The following ZNF385D variants were observed in gnomAD, a reference collection of about 807,000 sequenced individuals.
The protein encoded by ZNF385D is zinc finger protein 659.
In ZNF385D, 15 loss-of-function variants were observed where a neutral mutation model predicts 35.8. The observed-to-expected ratio is 0.42, with a 90% CI of 0.28 to 0.64. The LOEUF (loss-of-function observed/expected upper bound fraction) is 0.64, where lower values mean the gene tolerates loss of function less well. ZNF385D is among the 30% of genes least tolerant of loss of function. The pLI is 0.23. For synonymous variants in ZNF385D, 212 were observed against 186.8 expected, an observed-to-expected ratio of 1.13 and a Z score of -1.10; for missense variants, 474 against 494.6, an observed-to-expected ratio of 0.96 and a Z score of 0.39.
At chr3:21,976,685 T>C (rs1464189246) in intron 3 of ZNF385D, among the ~76,000 whole-genome samples, 1 of 152,104 alleles carries the variant, frequency 6.6e-6, no homozygotes, top group Non-Finnish European at 1.5e-5. Flanking sequence ...AAATGGAAAA[T>C]TATTTTGCAC....
intron 3 of ZNF385D, among the ~76,000 whole-genome samples, chr3:21,847,794 T>A (rs1225602540): frequency 1.3e-5 from 2 of 152,030 alleles, no homozygotes; most frequent in Non-Finnish European, 1.5e-5. Flanking sequence ...TTCTCTCATA[T>A]CCTGACATTT....
intron 2 of ZNF385D, among the ~76,000 whole-genome samples, chr3:22,351,090 G>T (rs545138137): frequency 6.6e-6 from 1 of 152,126 alleles, no homozygotes; most frequent in South Asian, 2.1e-4. Context: ...TCTTACAGCT[G>T]CATGTATATC....
At chr3:22,104,744 G>A (rs1467591649) in intron 3 of ZNF385D, among the ~76,000 whole-genome samples, 1 of 152,078 alleles carries the variant, frequency 6.6e-6, no homozygotes, top group African/African-American at 2.4e-5. Flanking sequence ...AATTGTTATG[G>A]GAGATAAATT....
chr3:22,186,385 A>G (rs752372956), intron 2 of ZNF385D, among the ~76,000 whole-genome samples: 1 of 152,168 alleles, frequency 6.6e-6, no homozygotes, highest in Non-Finnish European at 1.5e-5. Context: ...GAAACACAGG[A>G]ACAAGTCACA....
chr3:21,451,151 A>T (rs1406957111), intron 4 of ZNF385D, among the ~76,000 whole-genome samples: 1 of 152,104 alleles, frequency 6.6e-6, no homozygotes, highest in Non-Finnish European at 1.5e-5. Context: ...GTCCAGATGG[A>T]TCAATATGAC....
chr3:22,371,080 C>T (rs1367075953), intron 2 of ZNF385D, among the ~76,000 whole-genome samples: 1 of 152,164 alleles, frequency 6.6e-6, no homozygotes, highest in Non-Finnish European at 1.5e-5. Flanking sequence ...GAAATTGCAG[C>T]AAAGCCCGGA....
At chr3:22,037,020 T>C (rs1698368226) in intron 3 of ZNF385D, among the ~76,000 whole-genome samples, 1 of 151,966 alleles carries the variant, frequency 6.6e-6, no homozygotes, top group Non-Finnish European at 1.5e-5. Flanking sequence ...GCTTCATCCA[T>C]ATCCCAAAAA....
chr3:21,712,019 T>C (rs1252299594), intron 1 of ZNF385D, among the ~76,000 whole-genome samples: 1 of 152,210 alleles, frequency 6.6e-6, no homozygotes, highest in East Asian at 1.9e-4. Flanking sequence ...TAATTATTTA[T>C]TTGGTGAAGG....
intron 3 of ZNF385D, among the ~76,000 whole-genome samples, chr3:22,167,645 C>T (rs548098364): frequency 8.5e-5 from 13 of 152,220 alleles, no homozygotes; most frequent in African/African-American, 3.1e-4. Flanking sequence ...AGAGCCAGCC[C>T]CAAAGCCGTG....
At chr3:22,200,451 G>C (rs1397529926) in intron 2 of ZNF385D, among the ~76,000 whole-genome samples, 1 of 152,020 alleles carries the variant, frequency 6.6e-6, no homozygotes, top group Non-Finnish European at 1.5e-5. Flanking sequence ...TAGGGTGTGG[G>C]TCACAGACAT....
intron 2 of ZNF385D, among the ~76,000 whole-genome samples, chr3:22,220,832 G>A (rs1198652210): frequency 6.6e-6 from 1 of 152,040 alleles, no homozygotes; most frequent in East Asian, 1.9e-4. Flanking sequence ...TATTTGCAGT[G>A]TATTTTACAG....
At chr3:21,867,698 T>C (rs1271605256) in intron 3 of ZNF385D, among the ~76,000 whole-genome samples, 1 of 151,790 alleles carries the variant, frequency 6.6e-6, no homozygotes, top group Non-Finnish European at 1.5e-5. Flanking sequence ...TTAATGCCTT[T>C]CAATGTCTCA....
chr3:21,820,467 G>A (rs75595021), intron 3 of ZNF385D, among the ~76,000 whole-genome samples: 1 of 151,634 alleles, frequency 6.6e-6, no homozygotes, highest in Non-Finnish European at 1.5e-5. Context: ...AATCAGATCC[G>A]AGAGGAAAAT....
chr3:22,102,628 C>G (rs116141071), intron 3 of ZNF385D, among the ~76,000 whole-genome samples: 1 of 151,852 alleles, frequency 6.6e-6, no homozygotes, highest in East Asian at 1.9e-4. Flanking sequence ...AAATATACAT[C>G]GACAATAGGA....
chr3:21,662,395 A>T (rs889038504), intron 2 of ZNF385D, among the ~76,000 whole-genome samples: 13 of 152,208 alleles, frequency 8.5e-5, no homozygotes, highest in African/African-American at 3.1e-4. Flanking sequence ...GCATACCCTG[A>T]AACAAAATTA....
At chr3:22,372,428 C>G in intron 2 of ZNF385D, 6 of 985,032 alleles carry the variant, frequency 6.1e-6, no homozygotes, top group Non-Finnish European at 7.2e-6. Context: ...AACCGAGACA[C>G]CTCTTTTTGC....
intron 1 of ZNF385D, among the ~76,000 whole-genome samples, chr3:21,704,054 T>A (rs970557817): frequency 1.3e-5 from 2 of 152,224 alleles, no homozygotes; most frequent in Admixed American, 6.5e-5. Context: ...GTTGTGCCCC[T>A]TTTTCATATG....
At chr3:22,331,146 G>C (rs748067457) in intron 2 of ZNF385D, among the ~76,000 whole-genome samples, 20 of 152,138 alleles carry the variant, frequency 1.3e-4, no homozygotes, top group African/African-American at 2.4e-5. Context: ...TGTTCATTAG[G>C]TATTCCTATG....
At chr3:21,900,844 T>C (rs1464869351) in intron 3 of ZNF385D, among the ~76,000 whole-genome samples, 1 of 152,188 alleles carries the variant, frequency 6.6e-6, no homozygotes, top group African/African-American at 2.4e-5. Context: ...GGATAAAAGC[T>C]GGTAATTAAT....
Sources: gnomAD v4.1 joint callset for allele counts (sites outside exome capture counted in the v4.1 genomes callset) on GRCh38, gnomAD v4.1.1 for gene constraint, MANE v1.5 for transcripts, NCBI Gene and HGNC (gene_info 2026-07-23, HGNC 2026-07-21) for gene names.